The following CPA6 variants were observed in gnomAD, a reference collection of about 807,000 sequenced individuals.
CPA6 encodes carboxypeptidase A6.
In CPA6, 58 loss-of-function variants were observed where a neutral mutation model predicts 63.3. The observed-to-expected ratio is 0.92, with a 90% CI of 0.74 to 1.14. The LOEUF (loss-of-function observed/expected upper bound fraction) is 1.14, where lower values mean the gene tolerates loss of function less well. Among genes scored for constraint, CPA6 ranks in the 50% most tolerant of loss-of-function variants. The probability of loss-of-function intolerance (pLI) is 0.00; values close to 1 mark genes in which losing one functional copy is unlikely to be tolerated. For synonymous variants in CPA6, 185 were observed against 179.0 expected, an observed-to-expected ratio of 1.03 and a Z score of -0.27; for missense variants, 565 against 526.6, an observed-to-expected ratio of 1.07 and a Z score of -0.71.
At chr8:67,559,447 C>T (rs928932102) in intron 2 of CPA6, among the ~76,000 whole-genome samples, 7 of 152,096 alleles carry the variant, frequency 4.6e-5, no homozygotes, top group African/African-American at 1.7e-4. Context: ...ACTAGCCTGC[C>T]ACACACCCCT....
chr8:67,709,199 T>C (rs1377487154), intron 1 of CPA6, among the ~76,000 whole-genome samples: 2 of 152,164 alleles, frequency 1.3e-5, no homozygotes, highest in African/African-American at 2.4e-5. Flanking sequence ...AGCAGGCCAC[T>C]GTGCATGTGG....
At chr8:67,594,302 T>C (rs1488044134) in intron 2 of CPA6, among the ~76,000 whole-genome samples, 1 of 152,168 alleles carries the variant, frequency 6.6e-6, no homozygotes, top group East Asian at 1.9e-4. Flanking sequence ...CCTTTCTCTC[T>C]GGCTGCCCTT....
intron 8 of CPA6, among the ~76,000 whole-genome samples, chr8:67,466,422 G>T (rs1810927044): frequency 2.0e-5 from 3 of 151,866 alleles, no homozygotes; most frequent in Admixed American, 6.6e-5. Flanking sequence ...TTTTTGTTTT[G>T]CTTGTTGTTT....
chr8:67,538,610 C>T (rs1457575079), intron 2 of CPA6, among the ~76,000 whole-genome samples: 6 of 146,572 alleles, frequency 4.1e-5, no homozygotes, highest in Non-Finnish European at 5.9e-5. Flanking sequence ...TGAGATGGGT[C>T]GCCTGAATAC....
At chr8:67,739,717 G>T (rs758607231) in intron 1 of CPA6, among the ~76,000 whole-genome samples, 13 of 152,216 alleles carry the variant, frequency 8.5e-5, no homozygotes, top group African/African-American at 1.2e-4. Flanking sequence ...AGGAAAACAA[G>T]ATTTTGATGA....
rs139779594 is a variant in CPA6, at chr8:67,577,519, C to T, written c.192+46657G>A. On this transcript the variant is annotated intron_variant, in intron 2 of 10. Transcript: ENST00000297770. Reference sequence around the variant, plus strand: ...GATTGAAGAATAGGCATCTTTCTTACGCTCTTCGAAGCGTAAGAAAGATGG... The same window carrying T: ...GATTGAAGAATAGGCATCTTTCTTATGCTCTTCGAAGCGTAAGAAAGATGG... Among the ~76,000 whole-genome samples the T allele has an allele frequency of 5.8e-3, 887 of 152,164 alleles. 7 individuals carry two copies. Among genetic ancestry groups the T allele is most frequent in the African/African-American group, 0.02 (822 of 41,522 alleles).
At chr8:67,694,208 G>A (rs992808489) in intron 1 of CPA6, among the ~76,000 whole-genome samples, 12 of 152,120 alleles carry the variant, frequency 7.9e-5, no homozygotes. Flanking sequence ...GTGTGATGCA[G>A]CAGATCCAAT....
chr8:67,608,387 A>G (rs1814721209), intron 2 of CPA6, among the ~76,000 whole-genome samples: 2 of 152,288 alleles, frequency 1.3e-5, no homozygotes, highest in Admixed American at 1.3e-4. Flanking sequence ...GAACATCGAG[A>G]GGAGTTCGAC....
chr8:67,440,808 A>G (rs757852657), intron 8 of CPA6, among the ~76,000 whole-genome samples: 10 of 152,122 alleles, frequency 6.6e-5, no homozygotes, highest in Non-Finnish European at 1.0e-4. Context: ...TTATAATCTT[A>G]TGGGACCTCT....
At chr8:67,496,573 T>G (rs1209293472) in intron 6 of CPA6, among the ~76,000 whole-genome samples, 1 of 143,284 alleles carries the variant, frequency 7.0e-6, no homozygotes, top group Non-Finnish European at 1.5e-5. Flanking sequence ...TTTATTTTTT[T>G]TTTTTGAGAT....
At chr8:67,695,402 T>C (rs190253731) in intron 1 of CPA6, among the ~76,000 whole-genome samples, 1 of 152,300 alleles carries the variant, frequency 6.6e-6, no homozygotes, top group East Asian at 1.9e-4. Flanking sequence ...GGCAAGTTGA[T>C]TATACTGGAC....
chr8:67,730,669 A>G (rs934004084), intron 1 of CPA6, among the ~76,000 whole-genome samples: 11 of 152,206 alleles, frequency 7.2e-5, no homozygotes, highest in African/African-American at 2.4e-4. Flanking sequence ...TTAGCATACA[A>G]AAAGACACAT....
intron 2 of CPA6, among the ~76,000 whole-genome samples, chr8:67,553,094 A>G (rs1448856586): frequency 1.3e-5 from 2 of 152,192 alleles, no homozygotes; most frequent in African/African-American, 4.8e-5. Flanking sequence ...AATCACCCAT[A>G]TGTTATCAAA....
intron 2 of CPA6, among the ~76,000 whole-genome samples, chr8:67,605,596 A>G (rs999598189): frequency 1.4e-5 from 2 of 142,558 alleles, no homozygotes; most frequent in African/African-American, 5.2e-5. Flanking sequence ...TATGGATCCC[A>G]TGGATGTGGG....
At chr8:67,591,453 A>T (rs773969288) in intron 2 of CPA6, among the ~76,000 whole-genome samples, 1 of 152,140 alleles carries the variant, frequency 6.6e-6, no homozygotes, top group African/African-American at 2.4e-5. Flanking sequence ...GGGGAGGGCA[A>T]TGAATCTATA....
chr8:67,558,064 A>G (rs986000619), intron 2 of CPA6, among the ~76,000 whole-genome samples: 3 of 152,060 alleles, frequency 2.0e-5, no homozygotes, highest in Admixed American at 1.3e-4. Context: ...TGCATATCTT[A>G]CTTTTCCCCC....
intron 1 of CPA6, among the ~76,000 whole-genome samples, chr8:67,704,692 A>G (rs1817095512): frequency 6.6e-6 from 1 of 152,168 alleles, no homozygotes; most frequent in African/African-American, 2.4e-5. Context: ...ATGAGATGGG[A>G]CCAAAGTTAA....
intron 2 of CPA6, among the ~76,000 whole-genome samples, chr8:67,532,975 G>T (rs1812509946): frequency 6.6e-6 from 1 of 152,134 alleles, no homozygotes; most frequent in African/African-American, 2.4e-5. Context: ...GTAAATATAA[G>T]TGCCAGCCCT....
intron 2 of CPA6, among the ~76,000 whole-genome samples, chr8:67,590,878 T>C (rs928477843): frequency 8.5e-5 from 13 of 152,202 alleles, no homozygotes; most frequent in Admixed American, 7.2e-4. Flanking sequence ...GTGCAGAAGC[T>C]CTTTAGTTTA....
Sources: gnomAD v4.1 joint callset for allele counts (sites outside exome capture counted in the v4.1 genomes callset) on GRCh38, gnomAD v4.1.1 for gene constraint, MANE v1.5 for transcripts, NCBI Gene and HGNC (gene_info 2026-07-23, HGNC 2026-07-21) for gene names.